The following FCHSD2 variants were observed in gnomAD, a reference collection of about 807,000 sequenced individuals.
FCHSD2 encodes F-BAR and double SH3 domains protein 2.
FCHSD2 carries 38 observed loss-of-function variants against 108.1 expected under a neutral mutation model. The ratio of observed to expected loss-of-function variants is 0.35; its 90% CI spans 0.27 to 0.46. The LOEUF (loss-of-function observed/expected upper bound fraction) is 0.46. FCHSD2 is among the 20% of genes least tolerant of loss of function. The pLI is 1.00. For missense variants in FCHSD2, 751 were observed against 897.8 expected, an observed-to-expected ratio of 0.84 and a Z score of 2.09; for synonymous variants, 279 against 314.7, an observed-to-expected ratio of 0.89 and a Z score of 1.20.
intron 3 of FCHSD2, among the ~76,000 whole-genome samples, chr11:73,048,435 A>C (rs1337431993): frequency 6.6e-6 from 1 of 152,226 alleles, no homozygotes; most frequent in African/African-American, 2.4e-5. Context: ...GCTATTGCTG[A>C]ATCAATACTC....
At chr11:72,953,952 C>T (rs1332623733) in intron 8 of FCHSD2, among the ~76,000 whole-genome samples, 4 of 152,052 alleles carry the variant, frequency 2.6e-5, no homozygotes, top group African/African-American at 9.7e-5. Context: ...TAGTAGATGA[C>T]CTAGGACTTT....
intron 2 of FCHSD2, among the ~76,000 whole-genome samples, chr11:73,139,636 G>C (rs762909257): frequency 2.0e-5 from 3 of 152,126 alleles, no homozygotes; most frequent in Non-Finnish European, 4.4e-5. Flanking sequence ...TAACCATCTG[G>C]GGTTGACTGG....
intron 2 of FCHSD2, among the ~76,000 whole-genome samples, chr11:73,113,605 T>G (rs985739530): frequency 6.6e-6 from 1 of 152,128 alleles, no homozygotes; most frequent in Non-Finnish European, 1.5e-5. Context: ...TTGTGGATAT[T>G]TGTCGGTGTC....
chr11:73,042,092 A>C (rs1022781663), intron 3 of FCHSD2, among the ~76,000 whole-genome samples: 5 of 152,030 alleles, frequency 3.3e-5, no homozygotes, highest in South Asian at 4.1e-4. Context: ...ACACCCAGCT[A>C]ATTTTTTTAT....
chr11:73,136,177 A>G (rs1861115846), intron 2 of FCHSD2, among the ~76,000 whole-genome samples: 1 of 151,542 alleles, frequency 6.6e-6, no homozygotes, highest in Admixed American at 6.6e-5. Flanking sequence ...AAAAAAAAAA[A>G]AGAAAGAAAA....
At chr11:73,119,931 A>T (rs2135556793) in intron 2 of FCHSD2, among the ~76,000 whole-genome samples, 1 of 152,366 alleles carries the variant, frequency 6.6e-6, no homozygotes, top group South Asian at 2.1e-4. Context: ...AAAAGAAAGA[A>T]GTTTAATTGG....
chr11:73,035,150 TTATGTATGTATGTATGTATG>T (rs200439027), intron 3 of FCHSD2, among the ~76,000 whole-genome samples: 1 of 143,940 alleles, frequency 6.9e-6, no homozygotes, highest in South Asian at 2.3e-4. Flanking sequence ...GTTTTTATTT[TTATGTATGTATGTATGTATG>T]TATGTATGTA....
At chr11:72,937,775 C>T (rs1435992849) in intron 8 of FCHSD2, among the ~76,000 whole-genome samples, 1 of 152,122 alleles carries the variant, frequency 6.6e-6, no homozygotes, top group African/African-American at 2.4e-5. Context: ...AGGATAATTT[C>T]AATTATACAG....
At chr11:72,954,377 T>C (rs1856675121) in intron 8 of FCHSD2, among the ~76,000 whole-genome samples, 1 of 151,690 alleles carries the variant, frequency 6.6e-6, no homozygotes. Context: ...CCTGGCTAAT[T>C]ATTTTATTTT....
intron 2 of FCHSD2, among the ~76,000 whole-genome samples, chr11:73,106,496 G>A (rs1860348341): frequency 6.6e-6 from 1 of 151,842 alleles, no homozygotes; most frequent in South Asian, 2.1e-4. Context: ...AAAGAACCCT[G>A]AAGTGCAAAC....
At chr11:72,991,347 C>T (rs1857410651) in intron 5 of FCHSD2, among the ~76,000 whole-genome samples, 1 of 152,208 alleles carries the variant, frequency 6.6e-6, no homozygotes, top group Non-Finnish European at 1.5e-5. Flanking sequence ...AGGGAATCCT[C>T]CCTAACTCAT....
chr11:72,996,111 T>C (rs1857515171), intron 5 of FCHSD2, among the ~76,000 whole-genome samples: 1 of 152,184 alleles, frequency 6.6e-6, no homozygotes, highest in African/African-American at 2.4e-5. Flanking sequence ...TCTACTATGG[T>C]GAAGGCATTT....
chr11:72,920,934 T>G (rs189351914), intron 9 of FCHSD2, among the ~76,000 whole-genome samples: 209 of 152,226 alleles, frequency 1.4e-3, no homozygotes, highest in African/African-American at 4.8e-3. Context: ...TCTGGTACAG[T>G]GAAAACAAGA....
In FCHSD2 at chr11:72,999,342, TAG is replaced by T. The variant is rs777670386; in HGVS notation, c.387+1646_387+1647del. On this transcript the variant is annotated intron_variant, in intron 5 of 19. Transcript: ENST00000409418. Reference sequence around the variant, plus strand: ...TTTTTTTTTTTTTTTTTTTTTGAGATAGAGTCTCACTCTGTCACCCAGGCTGG... The same window carrying T: ...TTTTTTTTTTTTTTTTTTTTTGAGATAGTCTCACTCTGTCACCCAGGCTGG... Among the ~76,000 whole-genome samples the T allele has an allele frequency of 3.4e-3, 482 of 143,188 alleles. 5 individuals are homozygous for T. The highest frequency in any genetic ancestry group is 4.5e-3 in the Non-Finnish European group (296 of 65,916). The allele number at this position is 143,188 out of a possible 152,430, so 93.9% of individuals were successfully genotyped here.
chr11:73,071,965 G>C (rs1015754786), intron 3 of FCHSD2, among the ~76,000 whole-genome samples: 1 of 151,920 alleles, frequency 6.6e-6, no homozygotes, highest in East Asian at 1.9e-4. Flanking sequence ...GATATAGAGA[G>C]GTTAAGACAG....
At chr11:72,929,018 C>T (rs1856135702) in intron 8 of FCHSD2, among the ~76,000 whole-genome samples, 1 of 152,084 alleles carries the variant, frequency 6.6e-6, no homozygotes, top group Admixed American at 6.5e-5. Flanking sequence ...TGGTGGTTTC[C>T]AGCTTCATCC....
intron 6 of FCHSD2, 36 bp from the exon 7 acceptor site, chr11:72,985,152 C>G: frequency 1.5e-6 from 1 of 653,964 alleles, no homozygotes; most frequent in Non-Finnish European, 2.6e-6. Context: ...TTAATAAAAT[C>G]ATCTAATTAT....
chr11:73,142,075 G>T lies in FCHSD2; in HGVS notation c.-198C>A, dbSNP rs1861263147. 1.9e-6 allele frequency: 1 copy of T among 531,006 alleles called. No homozygotes were observed. Among genetic ancestry groups the T allele is most frequent in the Non-Finnish European group, 3.3e-6 (1 of 303,122 alleles). 32.9% of individuals were successfully genotyped at this position (531,006 alleles called of 1,614,324 possible). A position where few individuals can be genotyped will look rare whatever the true frequency, so the allele number is the denominator to read the frequency against. On this transcript the variant is annotated 5_prime_UTR_variant, in exon 1 of 20. Transcript: ENST00000409418. ...AGCCAGAGAGCGAGTGTGAGGAGAC[G>T]AGGGAGGAGCACCGGGAAGGCTTGG... is the stretch of plus-strand genomic sequence containing the variant.
intron 3 of FCHSD2, among the ~76,000 whole-genome samples, chr11:73,065,670 A>C (rs1859273758): frequency 1.3e-5 from 2 of 152,226 alleles, no homozygotes; most frequent in South Asian, 4.1e-4. Context: ...CTCAGGATCC[A>C]AAAAATCAAT....
Sources: gnomAD v4.1 joint callset for allele counts (sites outside exome capture counted in the v4.1 genomes callset) on GRCh38, gnomAD v4.1.1 for gene constraint, MANE v1.5 for transcripts, NCBI Gene and HGNC (gene_info 2026-07-23, HGNC 2026-07-21) for gene names.